The following SRD5A2 variants were observed in gnomAD, a reference collection of about 807,000 sequenced individuals.
The protein encoded by SRD5A2 is 3-oxo-5-alpha-steroid 4-dehydrogenase 2.
SRD5A2 carries 30 observed loss-of-function variants against 27.4 expected under a neutral mutation model. The observed-to-expected ratio is 1.10, with a 90% CI of 0.82 to 1.49. The LOEUF is 1.49. Among genes scored for constraint, SRD5A2 ranks in the 40% most tolerant of loss-of-function variants. SRD5A2 has a pLI of 0.00. For synonymous variants in SRD5A2, 141 were observed against 133.6 expected, an observed-to-expected ratio of 1.06 and a Z score of -0.38; for missense variants, 348 against 323.4, an observed-to-expected ratio of 1.08 and a Z score of -0.58.
At chr2:31,564,594 T>C (rs1666692267) in intron 1 of SRD5A2, among the ~76,000 whole-genome samples, 3 of 151,938 alleles carry the variant, frequency 2.0e-5, no homozygotes, top group Non-Finnish European at 4.4e-5. Flanking sequence ...CCAAGGAATA[T>C]AGTAACCCAA....
At chr2:31,561,345 G>A (rs1296932033) in intron 1 of SRD5A2, among the ~76,000 whole-genome samples, 1 of 152,046 alleles carries the variant, frequency 6.6e-6, no homozygotes, top group Non-Finnish European at 1.5e-5. Context: ...GACATATAAT[G>A]ATATTTTCCC....
chr2:31,610,576 C>T, the SRD5A2 span, among the ~76,000 whole-genome samples: 1 of 152,046 alleles, frequency 6.6e-6, no homozygotes, highest in Non-Finnish European at 1.5e-5. Flanking sequence ...AGATCAAGAA[C>T]AATACAAAGA....
the SRD5A2 span, among the ~76,000 whole-genome samples, chr2:31,600,195 G>T: frequency 6.6e-6 from 1 of 151,932 alleles, no homozygotes; most frequent in Non-Finnish European, 1.5e-5. Context: ...AGTATCACAT[G>T]GTATATATGT....
Position 31,522,569 on chromosome 2 carries a change from A to T in SRD5A2, c.*3627T>A. On this transcript the variant is annotated 3_prime_UTR_variant, in exon 5 of 5. Coordinates refer to ENST00000622030, the MANE Select transcript of SRD5A2 (RefSeq NM_000348.4). ...ATGGGGAGAAATGAGGCACAATGCA[A>T]ATAACACAGAACTCTTTAAGATCAC... The T allele has an allele frequency of 4.9e-6, 1 of 203,894 alleles. No homozygotes were observed. Among genetic ancestry groups the T allele is most frequent in the East Asian group, 7.5e-5 (1 of 13,310 alleles). 12.6% of individuals were successfully genotyped at this position (203,894 alleles called of 1,614,324 possible).
chr2:31,610,266 C>T, the SRD5A2 span, among the ~76,000 whole-genome samples: 1 of 152,046 alleles, frequency 6.6e-6, no homozygotes, highest in Non-Finnish European at 1.5e-5. Flanking sequence ...TTCAAAAATT[C>T]TCAACAACCA....
intron 1 of SRD5A2, among the ~76,000 whole-genome samples, chr2:31,555,638 C>T (rs1456388673): frequency 1.3e-5 from 2 of 152,152 alleles, no homozygotes; most frequent in African/African-American, 4.8e-5. Flanking sequence ...TTTGGAACCA[C>T]TGCATTGATC....
chr2:31,538,202 T>A (rs1427569055), intron 1 of SRD5A2, among the ~76,000 whole-genome samples: 2 of 152,108 alleles, frequency 1.3e-5, no homozygotes, highest in Non-Finnish European at 2.9e-5. Context: ...AACCTCTGAC[T>A]CCCCATTCTT....
the SRD5A2 span, among the ~76,000 whole-genome samples, chr2:31,625,108 C>G: frequency 6.6e-6 from 1 of 152,274 alleles, no homozygotes; most frequent in East Asian, 1.9e-4. Flanking sequence ...CTCTGATGAC[C>G]AGTGATGATG....
At chr2:31,624,387 A>G in the SRD5A2 span, among the ~76,000 whole-genome samples, 2 of 151,796 alleles carry the variant, frequency 1.3e-5, no homozygotes, top group Non-Finnish European at 2.9e-5. Flanking sequence ...ATTCTACTTT[A>G]AGTTCTAGGG....
chr2:31,588,352 A>G, the SRD5A2 span, among the ~76,000 whole-genome samples: 1 of 152,192 alleles, frequency 6.6e-6, no homozygotes, highest in Non-Finnish European at 1.5e-5. Context: ...AAGGATAAAG[A>G]AAGAATCCTA....
the SRD5A2 span, among the ~76,000 whole-genome samples, chr2:31,600,988 T>C: frequency 6.6e-6 from 1 of 151,376 alleles, no homozygotes; most frequent in Non-Finnish European, 1.5e-5. Flanking sequence ...AGGCATTTGA[T>C]AAAACTCAAT....
At chr2:31,610,810 T>C in the SRD5A2 span, among the ~76,000 whole-genome samples, 1 of 151,942 alleles carries the variant, frequency 6.6e-6, no homozygotes, top group African/African-American at 2.4e-5. Context: ...AAAATCAACA[T>C]ACAAAAGTCA....
chr2:31,550,838 T>C (rs138994100), intron 1 of SRD5A2, among the ~76,000 whole-genome samples: 8 of 152,104 alleles, frequency 5.3e-5, no homozygotes, highest in African/African-American at 1.2e-4. Flanking sequence ...ATGTGCATTC[T>C]TACTACTTTT....
chr2:31,572,606 C>A (rs1666874645), intron 1 of SRD5A2, among the ~76,000 whole-genome samples: 1 of 151,968 alleles, frequency 6.6e-6, no homozygotes, highest in African/African-American at 2.4e-5. Context: ...AACAAACAAC[C>A]CAATACACTA....
the SRD5A2 span, among the ~76,000 whole-genome samples, chr2:31,593,875 A>G: frequency 6.6e-6 from 1 of 152,332 alleles, no homozygotes; most frequent in Non-Finnish European, 1.5e-5. Flanking sequence ...GCCAGAAGGG[A>G]TTGGGGTCCT....
chr2:31,562,844 A>G (rs994532608), intron 1 of SRD5A2, among the ~76,000 whole-genome samples: 1 of 152,174 alleles, frequency 6.6e-6, no homozygotes, highest in Non-Finnish European at 1.5e-5. Flanking sequence ...AAATAAATAA[A>G]TGTCCAGGGA....
At chr2:31,562,052 G>C (rs1469693862) in intron 1 of SRD5A2, among the ~76,000 whole-genome samples, 1 of 152,140 alleles carries the variant, frequency 6.6e-6, no homozygotes, top group Non-Finnish European at 1.5e-5. Context: ...GCAAGCCTAT[G>C]AAGAGCAGCT....
chr2:31,642,122 G>C, the SRD5A2 span, among the ~76,000 whole-genome samples: 1 of 151,942 alleles, frequency 6.6e-6, no homozygotes, highest in Admixed American at 6.6e-5. Context: ...GACAGACAAA[G>C]GCTTAAAGGT....
the SRD5A2 span, among the ~76,000 whole-genome samples, chr2:31,598,551 T>G: frequency 1.3e-5 from 2 of 152,062 alleles, no homozygotes; most frequent in Non-Finnish European, 2.9e-5. Context: ...TTAGTTTTAT[T>G]TTTTTGCTTT....
Sources: gnomAD v4.1 joint callset for allele counts (sites outside exome capture counted in the v4.1 genomes callset) on GRCh38, gnomAD v4.1.1 for gene constraint, MANE v1.5 for transcripts, NCBI Gene and HGNC (gene_info 2026-07-23, HGNC 2026-07-21) for gene names.